DNAH7: variants seen among roughly 807,000 people sequenced by gnomAD.
DNAH7 encodes axonemal beta dynein heavy chain 7.
In DNAH7, 397 loss-of-function variants were observed where a neutral mutation model predicts 444.6. The observed-to-expected ratio is 0.89, with a 90% CI of 0.82 to 0.97. The LOEUF (loss-of-function observed/expected upper bound fraction) is 0.97. Ranked by LOEUF, DNAH7 falls within the 50% of genes least tolerant of loss-of-function variation. DNAH7 has a pLI of 0.00. For missense variants in DNAH7, 4,902 were observed against 4,800.8 expected (o/e 1.02, Z -0.62); for synonymous variants, 1,636 against 1,624.4 (o/e 1.01, Z -0.17).
intron 58 of DNAH7, among the ~76,000 whole-genome samples, chr2:195,782,897 C>A (rs945056416): frequency 2.6e-5 from 4 of 152,118 alleles, no homozygotes; most frequent in African/African-American, 9.7e-5. Flanking sequence ...AGCACAAGGC[C>A]CCCCCTTTAA....
intron 8 of DNAH7, among the ~76,000 whole-genome samples, chr2:196,023,510 T>C (rs1695503424): frequency 6.6e-6 from 1 of 152,228 alleles, no homozygotes; most frequent in Non-Finnish European, 1.5e-5. Flanking sequence ...CTCTGCTACC[T>C]TCAAACATTT....
intron 36 of DNAH7, among the ~76,000 whole-genome samples, chr2:195,877,578 A>G (rs1203776837): frequency 1.3e-5 from 2 of 152,228 alleles, no homozygotes; most frequent in East Asian, 3.8e-4. Context: ...AGCAAATGGA[A>G]ATTCTGAAAG....
At chr2:196,010,252 C>G (rs560399611) in intron 10 of DNAH7, among the ~76,000 whole-genome samples, 1 of 151,880 alleles carries the variant, frequency 6.6e-6, no homozygotes, top group South Asian at 2.1e-4. Flanking sequence ...CAGGTTCAAG[C>G]GATTCTTCCA....
intron 5 of DNAH7, among the ~76,000 whole-genome samples, chr2:196,040,009 G>T (rs1021418087): frequency 2.0e-5 from 3 of 151,900 alleles, no homozygotes; most frequent in Non-Finnish European, 4.4e-5. Flanking sequence ...CAAATAATGA[G>T]TAATGAGATT....
chr2:195,861,969 A>G (rs1424091875), intron 41 of DNAH7, 23 bp from the exon 42 acceptor site: 4 of 1,570,220 alleles, frequency 2.5e-6, no homozygotes, highest in East Asian at 2.2e-5. Context: ...TAAATGCTTT[A>G]GCATTTTATT....
chr2:196,044,590 G>T (rs750299345), intron 5 of DNAH7, among the ~76,000 whole-genome samples: 7 of 152,000 alleles, frequency 4.6e-5, no homozygotes, highest in Non-Finnish European at 8.8e-5. Context: ...AAAAACTACT[G>T]AAATAATAAT....
intron 61 of DNAH7, among the ~76,000 whole-genome samples, chr2:195,770,339 T>C (rs555747847): frequency 1.3e-5 from 2 of 152,234 alleles, no homozygotes; most frequent in South Asian, 4.1e-4. Context: ...TTTATATTTA[T>C]ACTTTAAAAT....
intron 55 of DNAH7, among the ~76,000 whole-genome samples, chr2:195,798,798 G>A (rs113191538): frequency 1.8e-3 from 271 of 151,882 alleles, no homozygotes; most frequent in African/African-American, 6.3e-3. Context: ...TGCCCGCCTC[G>A]GCCTCCCAAA....
At chr2:195,786,832 A>C (rs1221866179) in intron 58 of DNAH7, among the ~76,000 whole-genome samples, 178 bp downstream of exon 58, 1 of 152,222 alleles carries the variant, frequency 6.6e-6, no homozygotes, top group Non-Finnish European at 1.5e-5. Context: ...CTAACTACCT[A>C]GTATAGCAGT....
At chr2:195,987,273 T>C in intron 13 of DNAH7, 80 bp from the exon 14 acceptor site, 1 of 1,119,406 alleles carries the variant, frequency 8.9e-7, no homozygotes, top group African/African-American at 1.6e-5. Flanking sequence ...TCTCATAATT[T>C]TTATTTTTGT....
chr2:196,066,315 C>T (rs1280143280), intron 1 of DNAH7, among the ~76,000 whole-genome samples: 8 of 152,238 alleles, frequency 5.3e-5, no homozygotes, highest in Admixed American at 5.2e-4. Context: ...AAAGTTATCA[C>T]CATGCTGTTG....
At chr2:195,741,918 T>C (rs1288101303) in intron 63 of DNAH7, among the ~76,000 whole-genome samples, 7 of 152,228 alleles carry the variant, frequency 4.6e-5, no homozygotes, top group Non-Finnish European at 1.0e-4. Flanking sequence ...AACTGAATTT[T>C]AAATTTTATT....
rs1279589364 is a variant in DNAH7, at chr2:196,048,391, G to A, written c.155C>T (p.Pro52Leu). The change falls in exon 4 of 65, where the codon CCC becomes CTC. Residue 52 changes from proline to leucine, a missense_variant. Transcript: ENST00000312428. ...LPQLSMVSTK[P>L]HWQQAAPSFH... is the part of the protein sequence containing the mutation. ...TGATGGAGCTGCCTGCTGCCAGTGG[G>A]GCTTTGTACTCACCTAAAATACAAA... is the stretch of plus-strand genomic sequence containing the variant. 6.2e-7 allele frequency: 1 copy of A among 1,613,636 alleles called. No individual in the cohort carries two copies. Among genetic ancestry groups the A allele is most frequent in the South Asian group, 1.1e-5 (1 of 91,036 alleles).
At chr2:196,057,991 T>C (rs1697912594) in intron 2 of DNAH7, 63 bp downstream of exon 2, 1 of 1,260,262 alleles carries the variant, frequency 7.9e-7, no homozygotes, top group Non-Finnish European at 1.1e-6. Context: ...CTTTCAAGCT[T>C]GAAAAGTAGT....
chr2:195,844,927 A>C, intron 47 of DNAH7, 75 bp downstream of exon 47: 2 of 1,385,182 alleles, frequency 1.4e-6, no homozygotes, highest in Non-Finnish European at 1.9e-6. Context: ...TTTGCTACCT[A>C]AAATTGTTAA....
intron 28 of DNAH7, 114 bp downstream of exon 28, chr2:195,900,164 AATTG>A: frequency 9.0e-7 from 1 of 1,114,526 alleles, no homozygotes; most frequent in African/African-American, 1.6e-5. Flanking sequence ...TTGGTTTAAT[AATTG>A]ATTTTTTTCA....
intron 61 of DNAH7, among the ~76,000 whole-genome samples, chr2:195,766,318 C>T (rs1183144969): frequency 6.6e-6 from 1 of 151,546 alleles, no homozygotes; most frequent in Non-Finnish European, 1.5e-5. Flanking sequence ...GGATTACAGG[C>T]ATCTCCCACC....
chr2:195,760,280 A>G (rs1401531147), intron 61 of DNAH7, among the ~76,000 whole-genome samples: 1 of 152,134 alleles, frequency 6.6e-6, no homozygotes, highest in African/African-American at 2.4e-5. Flanking sequence ...GTGAATTCTT[A>G]AGGTTTCAGG....
intron 47 of DNAH7, among the ~76,000 whole-genome samples, chr2:195,840,455 T>C (rs1698616769): frequency 6.6e-6 from 1 of 151,758 alleles, no homozygotes; most frequent in Non-Finnish European, 1.5e-5. Flanking sequence ...CAACAGTGTC[T>C]GATTTCATCA....
Sources: allele counts gnomAD v4.1 joint callset (sites outside exome capture counted in the v4.1 genomes callset), GRCh38; gene constraint gnomAD v4.1.1; transcripts MANE v1.5; gene names NCBI Gene and HGNC (gene_info 2026-07-23, HGNC 2026-07-21).